CTNNA3: variants seen among roughly 807,000 people sequenced by gnomAD.
The protein encoded by CTNNA3 is catenin alpha 3.
In CTNNA3, 76 loss-of-function variants were observed where a neutral mutation model predicts 95.7. The observed-to-expected ratio is 0.79, with a 90% CI of 0.66 to 0.96. The LOEUF is 0.96. Among genes scored for constraint, CTNNA3 ranks in the 40% least tolerant of loss-of-function variants. The pLI, the probability that CTNNA3 is intolerant of heterozygous loss-of-function variation, is 0.00. For missense variants in CTNNA3, 1,191 were observed against 1,089.8 expected (o/e 1.09, Z -1.31); for synonymous variants, 431 against 374.4 (o/e 1.15, Z -1.74).
At chr10:67,025,326 C>A (rs1458462531) in intron 7 of CTNNA3, among the ~76,000 whole-genome samples, 1 of 149,682 alleles carries the variant, frequency 6.7e-6, no homozygotes, top group African/African-American at 2.4e-5. Flanking sequence ...TTTGTAAGCC[C>A]ATGCAAAAAA....
intron 5 of CTNNA3, among the ~76,000 whole-genome samples, chr10:67,468,659 A>G (rs1325040822): frequency 6.6e-6 from 1 of 152,058 alleles, no homozygotes; most frequent in African/African-American, 2.4e-5. Flanking sequence ...TGCTGGTGCT[A>G]TTAAGAAGCA....
At chr10:67,612,831 G>A (rs1843504434) in intron 2 of CTNNA3, among the ~76,000 whole-genome samples, 1 of 152,064 alleles carries the variant, frequency 6.6e-6, no homozygotes, top group South Asian at 2.1e-4. Context: ...CACAGAAACG[G>A]GGCATCATTC....
At chr10:67,721,084 C>A (rs569319159) in intron 1 of CTNNA3, among the ~76,000 whole-genome samples, 55 of 152,300 alleles carry the variant, frequency 3.6e-4, no homozygotes, top group Middle Eastern at 3.4e-3. Flanking sequence ...CCCTTAATTT[C>A]TTTTCTTTCA....
chr10:66,733,617 A>C (rs1352573949), intron 9 of CTNNA3, among the ~76,000 whole-genome samples: 2 of 151,602 alleles, frequency 1.3e-5, no homozygotes, highest in Non-Finnish European at 3.0e-5. Flanking sequence ...ACTCCATCTA[A>C]AAAAAATGCT....
chr10:66,092,639 C>T (rs924028727), intron 14 of CTNNA3, among the ~76,000 whole-genome samples: 1 of 151,882 alleles, frequency 6.6e-6, no homozygotes, highest in Admixed American at 6.6e-5. Flanking sequence ...CACAATATAC[C>T]ACTTAAATTC....
intron 7 of CTNNA3, among the ~76,000 whole-genome samples, chr10:67,052,039 G>A (rs1855130418): frequency 6.6e-6 from 1 of 152,178 alleles, no homozygotes; most frequent in Admixed American, 6.5e-5. Flanking sequence ...ACAGGCGTGA[G>A]CCACCACGCC....
intron 5 of CTNNA3, among the ~76,000 whole-genome samples, chr10:67,239,297 G>A (rs1384333126): frequency 1.3e-5 from 2 of 150,662 alleles, no homozygotes; most frequent in Non-Finnish European, 2.9e-5. Flanking sequence ...TACCAGCACT[G>A]TCTGTAATAG....
At chr10:66,206,835 A>C (rs1254324929) in intron 13 of CTNNA3, among the ~76,000 whole-genome samples, 1 of 151,948 alleles carries the variant, frequency 6.6e-6, no homozygotes, top group Non-Finnish European at 1.5e-5. Context: ...AAGGGGTAGA[A>C]TCAGACTGAC....
At chr10:66,420,918 A>G (rs2093188170) in intron 11 of CTNNA3, among the ~76,000 whole-genome samples, 1 of 152,172 alleles carries the variant, frequency 6.6e-6, no homozygotes, top group South Asian at 2.1e-4. Flanking sequence ...CTGGGTATGT[A>G]TTCAAAGGAA....
At chr10:67,366,705 A>C (rs1378320322) in intron 5 of CTNNA3, among the ~76,000 whole-genome samples, 1 of 152,142 alleles carries the variant, frequency 6.6e-6, no homozygotes, top group Non-Finnish European at 1.5e-5. Context: ...AAGGCCACAC[A>C]CCTACAACCA....
At chr10:66,913,101 C>T (rs1340509860) in intron 7 of CTNNA3, among the ~76,000 whole-genome samples, 107 of 151,644 alleles carry the variant, frequency 7.1e-4, no homozygotes, top group Non-Finnish European at 1.1e-3. Flanking sequence ...TAGCCGGGCG[C>T]TGTGGCAGGC....
At chr10:66,935,127 T>A (rs536309566) in intron 7 of CTNNA3, among the ~76,000 whole-genome samples, 56 of 152,224 alleles carry the variant, frequency 3.7e-4, no homozygotes, top group Non-Finnish European at 7.6e-4. Flanking sequence ...AACAGAGCCC[T>A]CATATTGACT....
At chr10:67,591,435 G>A (rs1842785235) in intron 3 of CTNNA3, among the ~76,000 whole-genome samples, 1 of 152,074 alleles carries the variant, frequency 6.6e-6, no homozygotes, top group South Asian at 2.1e-4. Flanking sequence ...TGGATATTAA[G>A]TATAAATGAG....
chr10:66,951,786 G>A (rs953223297), intron 7 of CTNNA3, among the ~76,000 whole-genome samples: 5 of 152,108 alleles, frequency 3.3e-5, no homozygotes, highest in South Asian at 4.2e-4. Context: ...CACTGGGAAG[G>A]GATCTAGAGG....
chr10:66,924,663 A>C (rs1418437857), intron 7 of CTNNA3, among the ~76,000 whole-genome samples: 1 of 152,238 alleles, frequency 6.6e-6, no homozygotes, highest in Non-Finnish European at 1.5e-5. Flanking sequence ...AGGTCAGTAT[A>C]GTCAATATTC....
At chr10:66,115,113 A>G (rs950649421) in intron 13 of CTNNA3, among the ~76,000 whole-genome samples, 6 of 152,162 alleles carry the variant, frequency 3.9e-5, no homozygotes, top group Admixed American at 2.0e-4. Flanking sequence ...TCAGCAATAC[A>G]AAAAGGACAA....
chr10:67,469,425 GT>G (rs553590503), intron 5 of CTNNA3, among the ~76,000 whole-genome samples: 1 of 151,998 alleles, frequency 6.6e-6, no homozygotes, highest in Non-Finnish European at 1.5e-5. Flanking sequence ...GGAAAAGTGG[GT>G]TTTTTTAAGG....
At chr10:67,018,854 T>C (rs1852816507) in intron 7 of CTNNA3, among the ~76,000 whole-genome samples, 1 of 152,238 alleles carries the variant, frequency 6.6e-6, no homozygotes, top group Non-Finnish European at 1.5e-5. Flanking sequence ...GCATTCAGTG[T>C]ATAAGAGACG....
chr10:67,190,936 C>T (rs560708381), intron 6 of CTNNA3, among the ~76,000 whole-genome samples: 10 of 151,922 alleles, frequency 6.6e-5, no homozygotes, highest in African/African-American at 1.2e-4. Context: ...GGCCAATGAC[C>T]TTAACAGATA....
Sources: gnomAD v4.1 joint callset for allele counts (sites outside exome capture counted in the v4.1 genomes callset) on GRCh38, gnomAD v4.1.1 for gene constraint, MANE v1.5 for transcripts, NCBI Gene and HGNC (gene_info 2026-07-23, HGNC 2026-07-21) for gene names.